AKAP13: variants seen among roughly 807,000 people sequenced by gnomAD.
AKAP13 encodes A-kinase anchor protein 13.
Under a neutral mutation model 264.5 loss-of-function variants are expected in AKAP13, and 80 were observed. That is an observed-to-expected ratio of 0.30 (90% CI 0.25 to 0.36). AKAP13 has a LOEUF of 0.36. Ranked by LOEUF, AKAP13 falls within the 10% of genes least tolerant of loss-of-function variation. The pLI is 1.00. For synonymous variants in AKAP13, 1,380 were observed against 1,250.2 expected, an observed-to-expected ratio of 1.10 and a Z score of -2.19; for missense variants, 3,712 against 3,435.2, an observed-to-expected ratio of 1.08 and a Z score of -2.01.
intron 8 of AKAP13, among the ~76,000 whole-genome samples, chr15:85,596,125 G>A (rs1433235771): frequency 1.3e-5 from 2 of 152,106 alleles, no homozygotes; most frequent in Non-Finnish European, 2.9e-5. Context: ...GTTAGTTGAT[G>A]GTGAAAATGC....
intron 1 of AKAP13, among the ~76,000 whole-genome samples, chr15:85,472,802 C>T (rs910336446): frequency 9.9e-5 from 15 of 152,166 alleles, no homozygotes; most frequent in African/African-American, 3.6e-4. Flanking sequence ...AACATTTTAG[C>T]ATTTGTAGCT....
chr15:85,484,158 A>G (rs574283286), intron 1 of AKAP13, among the ~76,000 whole-genome samples: 1 of 152,326 alleles, frequency 6.6e-6, no homozygotes, highest in African/African-American at 2.4e-5. Flanking sequence ...GCCAGTGAGC[A>G]CAGTGAGCTT....
At chr15:85,543,610 T>C (rs1181111549) in intron 4 of AKAP13, among the ~76,000 whole-genome samples, 162 bp from the exon 5 acceptor site, 1 of 152,234 alleles carries the variant, frequency 6.6e-6, no homozygotes, top group Non-Finnish European at 1.5e-5. Flanking sequence ...GAGGGCTGAT[T>C]CTACCTGGCC....
chr15:85,635,679 T>A (rs1184550432), intron 8 of AKAP13, among the ~76,000 whole-genome samples: 1 of 152,204 alleles, frequency 6.6e-6, no homozygotes, highest in African/African-American at 2.4e-5. Flanking sequence ...AGGAGTTTTA[T>A]AGTTTTAGGT....
At chr15:85,675,262 TTA>T (rs2084160682) in intron 14 of AKAP13, among the ~76,000 whole-genome samples, 3 of 152,202 alleles carry the variant, frequency 2.0e-5, no homozygotes, top group African/African-American at 7.2e-5. Context: ...AGAACACACA[TTA>T]CAGTAGTATC....
At chr15:85,387,227 T>A (rs1041988153) in intron 1 of AKAP13, among the ~76,000 whole-genome samples, 10 of 152,008 alleles carry the variant, frequency 6.6e-5, no homozygotes, top group Non-Finnish European at 1.2e-4. Context: ...TCCCAGCTAC[T>A]TGGGAGGCTG....
intron 5 of AKAP13, among the ~76,000 whole-genome samples, chr15:85,562,574 A>AAAAAATATATATATATATATAT (rs1351834745): frequency 1.3e-5 from 1 of 77,668 alleles, no homozygotes; most frequent in African/African-American, 4.0e-5. Context: ...CAAAAAAAAA[A>AAAAAATATATATATATATATAT]ATATATATAT....
At chr15:85,650,018 A>G (rs902937839) in intron 10 of AKAP13, among the ~76,000 whole-genome samples, 6 of 152,212 alleles carry the variant, frequency 3.9e-5, no homozygotes, top group Non-Finnish European at 7.3e-5. Context: ...AGAATGACTT[A>G]TATAAGATAC....
In AKAP13 at chr15:85,595,392, C is replaced by A. The variant is rs60596909; in HGVS notation, c.4161+9569C>A. On this transcript the variant is annotated intron_variant, in intron 8 of 36. Coordinates refer to ENST00000394518, the MANE Select transcript of AKAP13 (RefSeq NM_007200.5). ...GGGAATACAGGCATGAGCCACTGCA[C>A]CCTGCCAAATACCAGATAATTTTTG... Among the ~76,000 whole-genome samples the A allele has an allele frequency of 9.5e-3, 1,441 of 152,300 alleles. 27 individuals are homozygous for A. The highest frequency in any genetic ancestry group is 0.033 in the African/African-American group (1,373 of 41,556).
At chr15:85,550,685 A>C (rs1479511293) in intron 5 of AKAP13, among the ~76,000 whole-genome samples, 1 of 152,206 alleles carries the variant, frequency 6.6e-6, no homozygotes, top group Non-Finnish European at 1.5e-5. Context: ...AGTAAAGCAA[A>C]AGATGAAACA....
chr15:85,503,835 G>A (rs1339028898), intron 2 of AKAP13, among the ~76,000 whole-genome samples: 1 of 152,228 alleles, frequency 6.6e-6, no homozygotes, highest in African/African-American at 2.4e-5. Flanking sequence ...GGTAGGAAGA[G>A]TGAGCCTTGA....
chr15:85,558,509 C>T (rs2078232089), intron 5 of AKAP13, among the ~76,000 whole-genome samples: 1 of 152,088 alleles, frequency 6.6e-6, no homozygotes, highest in Non-Finnish European at 1.5e-5. Context: ...AACTTCGTGC[C>T]TGAAGATGGG....
At chr15:85,719,426 T>C in intron 23 of AKAP13, 100 bp downstream of exon 23, 1 of 1,458,870 alleles carries the variant, frequency 6.9e-7, no homozygotes, top group African/African-American at 1.4e-5. Flanking sequence ...TACCATTTAT[T>C]ATCTGTGTAA....
At chr15:85,726,976 C>A in intron 27 of AKAP13, 90 bp from the exon 28 acceptor site, 2 of 1,408,984 alleles carry the variant, frequency 1.4e-6, no homozygotes, top group Non-Finnish European at 2.0e-6. Context: ...GCTTTTTTAA[C>A]AGCATCTGGT....
At chr15:85,507,240 A>G (rs1447289423) in intron 2 of AKAP13, among the ~76,000 whole-genome samples, 1 of 152,130 alleles carries the variant, frequency 6.6e-6, no homozygotes, top group Non-Finnish European at 1.5e-5. Flanking sequence ...AAACTGTACT[A>G]AAAGGTTATA....
chr15:85,646,925 G>T (rs1346307383), intron 10 of AKAP13, among the ~76,000 whole-genome samples: 2 of 152,202 alleles, frequency 1.3e-5, no homozygotes, highest in East Asian at 3.8e-4. Flanking sequence ...GATGGCAAAT[G>T]CTACTCAATT....
intron 1 of AKAP13, among the ~76,000 whole-genome samples, chr15:85,393,693 A>G (rs2070975488): frequency 6.6e-6 from 1 of 152,188 alleles, no homozygotes; most frequent in Admixed American, 6.5e-5. Context: ...TTTTTTGATG[A>G]AAAAACTAGG....
At chr15:85,427,182 C>T (rs2072829979) in intron 1 of AKAP13, among the ~76,000 whole-genome samples, 2 of 151,944 alleles carry the variant, frequency 1.3e-5, no homozygotes, top group African/African-American at 2.4e-5. Flanking sequence ...GTCTCGATCT[C>T]ATGTCCTTGT....
At chr15:85,496,184 C>T (rs1000499589) in intron 2 of AKAP13, among the ~76,000 whole-genome samples, 3 of 152,118 alleles carry the variant, frequency 2.0e-5, no homozygotes, top group Non-Finnish European at 4.4e-5. Context: ...CTACAAAGCA[C>T]CCCCACCTCC....
Sources: gnomAD v4.1 joint callset for allele counts (sites outside exome capture counted in the v4.1 genomes callset) on GRCh38, gnomAD v4.1.1 for gene constraint, MANE v1.5 for transcripts, NCBI Gene and HGNC (gene_info 2026-07-23, HGNC 2026-07-21) for gene names.